JAML: variants seen among roughly 807,000 people sequenced by gnomAD.
The protein encoded by JAML is junction adhesion molecule like.
JAML carries 25 observed loss-of-function variants against 39.3 expected under a neutral mutation model. The observed-to-expected ratio is 0.64, with a 90% CI of 0.46 to 0.89. The LOEUF (loss-of-function observed/expected upper bound fraction) is 0.89, where lower values mean the gene tolerates loss of function less well. JAML is among the 40% of genes least tolerant of loss of function. The pLI, the probability that JAML is intolerant of heterozygous loss-of-function variation, is 0.00. For missense variants in JAML, 440 were observed against 486.9 expected, an observed-to-expected ratio of 0.90 and a Z score of 0.91; for synonymous variants, 162 against 179.2, an observed-to-expected ratio of 0.90 and a Z score of 0.77.
chr11:118,219,213 C>T (rs991549812), intron 1 of JAML, among the ~76,000 whole-genome samples: 7 of 152,064 alleles, frequency 4.6e-5, no homozygotes, highest in African/African-American at 1.7e-4. Flanking sequence ...AAATCAAACC[C>T]ACAATGAGTT....
At position 118,197,893 on chromosome 11, in the gene JAML, G is replaced by A. The variant is rs528136850; in HGVS notation, c.1005+105C>T. On this transcript the variant is annotated intron_variant, in intron 8 of 9. Coordinates refer to ENST00000356289, the MANE Select transcript of JAML (RefSeq NM_001098526.2). ...GAGTCCCTGCTCTGTGCCAAGCACT[G>A]GCCTGCAAGCTGCGACATACAATGG... 3 of 1,037,372 alleles carry A rather than the reference G, an allele frequency of 2.9e-6. No homozygotes were observed. In the East Asian group the frequency reaches 7.2e-5, roughly 25 times the overall value. The allele number at this position is 1,037,372 out of a possible 1,614,324, so 64.3% of individuals were successfully genotyped here.
At position 118,213,505 on chromosome 11, in the gene JAML, T is replaced by G. The variant is rs139626764; in HGVS notation, c.44-944A>C. On this transcript the variant is annotated intron_variant, in intron 2 of 9. Transcript: ENST00000356289. ...CTCTAAACCCTTCAGAGGGAATTAT[T>G]TTGAAAGAAATCAAAATTAGCTCCA... 9.8e-4 allele frequency: 233 copies of G among 237,562 alleles called. 1 individual carries two copies. Among genetic ancestry groups the G allele is most frequent in the African/African-American group, 4.1e-3 (176 of 42,994 alleles). 14.7% of individuals were successfully genotyped at this position (237,562 alleles called of 1,614,324 possible).
intron 1 of JAML, among the ~76,000 whole-genome samples, chr11:118,216,368 CAA>C (rs35141287): frequency 0.015 from 1,766 of 115,932 alleles, 12 homozygotes; most frequent in South Asian, 0.025. Context: ...GACTCTGTCT[CAA>C]AAAAAAAAAA....
Position 118,203,528 on chromosome 11 carries a change from C to T in JAML, c.672G>A (p.Val224=), listed in dbSNP as rs1039939551. The T allele has an allele frequency of 6.2e-7, 1 of 1,614,188 alleles. No individual in the cohort carries two copies. Among genetic ancestry groups the T allele is most frequent in the Non-Finnish European group, 8.5e-7 (1 of 1,180,024 alleles). ...RNDGSIMLQG[V]RESDGGNYTC... is the part of the protein sequence containing the mutation. ...TGTAGTTTCCTCCATCTGACTCCCTCACTCCTTGAAGCATGATGGAACCGT... is the reference window on the plus strand; with the variant it reads ...TGTAGTTTCCTCCATCTGACTCCCTTACTCCTTGAAGCATGATGGAACCGT... The change falls in exon 6 of 10, where the codon GTG becomes GTA. Residue 224 remains valine (V), a synonymous_variant. Transcript: ENST00000356289.
chr11:118,198,726 T>C (rs982359930), intron 7 of JAML, among the ~76,000 whole-genome samples: 2 of 152,092 alleles, frequency 1.3e-5, no homozygotes, highest in African/African-American at 2.4e-5. Context: ...AACCATATGT[T>C]TTGGTCTCAG....
chr11:118,220,095 C>T (rs1415126968), intron 1 of JAML, among the ~76,000 whole-genome samples: 1 of 152,210 alleles, frequency 6.6e-6, no homozygotes, highest in Admixed American at 6.5e-5. Context: ...AATTGGCACA[C>T]ATGGTTTGGG....
chr11:118,206,700 G>A lies in JAML; in HGVS notation c.425-709C>T, dbSNP rs193141395. Among the ~76,000 whole-genome samples, 162 of 152,002 alleles carry A rather than the reference G, an allele frequency of 1.1e-3. 1 individual carries two copies. Among genetic ancestry groups the A allele is most frequent in the African/African-American group, 3.8e-3 (157 of 41,490 alleles). On this transcript the variant is annotated intron_variant, in intron 4 of 9. Coordinates refer to ENST00000356289, the MANE Select transcript of JAML (RefSeq NM_001098526.2). ...TGCTCTCTCCTGCCCCCACCCTCCCGACTTCCCCTGCTTCTGGCTTTCCAC... is the reference window on the plus strand; with the variant it reads ...TGCTCTCTCCTGCCCCCACCCTCCCAACTTCCCCTGCTTCTGGCTTTCCAC...
At chr11:118,204,124 C>G (rs1178047282) in intron 5 of JAML, 1 of 182,280 alleles carries the variant, frequency 5.5e-6, no homozygotes, top group Non-Finnish European at 1.2e-5. Context: ...CTGGAGTCAT[C>G]CTTAATTTCT....
intron 4 of JAML, among the ~76,000 whole-genome samples, chr11:118,207,333 T>G (rs1948938632): frequency 6.6e-6 from 1 of 152,182 alleles, no homozygotes; most frequent in Admixed American, 6.5e-5. Context: ...ATGACTACTC[T>G]CCCATTTTAC....
At chr11:118,214,746 A>T in intron 2 of JAML, 78 bp downstream of exon 2, 1 of 1,439,068 alleles carries the variant, frequency 6.9e-7, no homozygotes, top group Non-Finnish European at 9.7e-7. Context: ...AATCGAAAAT[A>T]TGTAAAATTG....
chr11:118,213,031 T>A, intron 2 of JAML: 1 of 1,608,026 alleles, frequency 6.2e-7, no homozygotes, highest in Non-Finnish European at 8.5e-7. Flanking sequence ...TACAAAAGCA[T>A]TTGCTGGCTG....
rs750797498 is a variant in JAML, at chr11:118,200,609, A to G, written c.776T>C (p.Leu259Pro). 6.2e-6 allele frequency: 10 copies of G among 1,614,170 alleles called. No individual in the cohort carries two copies. The Admixed American group carries it at 1.5e-4, about 24-fold the overall frequency. Residue 259 changes from leucine (L) to proline (P), a missense_variant, in exon 7 of 10, where the codon CTG (leucine) becomes CCG (proline). Transcript: ENST00000356289. ...AGGCCTCAGGGCTGCCGGGGTCACC[A>G]GTGCTTGGGAAAGTAGAAAAGCAAG... ...LHVSPEEPRT[L>P]VTPAALRPLV...
At chr11:118,196,269 AG>A (rs1454699870) in intron 9 of JAML, among the ~76,000 whole-genome samples, 1 of 151,628 alleles carries the variant, frequency 6.6e-6, no homozygotes, top group African/African-American at 2.4e-5. Context: ...CTGGGATTAT[AG>A]GCACGCATCT....
chr11:118,202,566 T>C (rs1203556906), intron 6 of JAML: 1 of 199,764 alleles, frequency 5.0e-6, no homozygotes, highest in Non-Finnish European at 1.1e-5. Flanking sequence ...GACATAGATA[T>C]GTTTGTGGGT....
chr11:118,215,813 C>A (rs1021517333), intron 1 of JAML, among the ~76,000 whole-genome samples: 1 of 152,134 alleles, frequency 6.6e-6, no homozygotes, highest in Non-Finnish European at 1.5e-5. Flanking sequence ...AAAGGATTCA[C>A]TGTTCTACCA....
chr11:118,208,605 T>C (rs1948973118), intron 4 of JAML, among the ~76,000 whole-genome samples: 1 of 152,236 alleles, frequency 6.6e-6, no homozygotes, highest in Admixed American at 6.5e-5. Flanking sequence ...CTAAGCTAGC[T>C]GCAGGCGGGA....
chr11:118,196,639 C>T (rs554024721), intron 9 of JAML, 96 bp downstream of exon 9: 1 of 985,552 alleles, frequency 1.0e-6, no homozygotes, highest in Non-Finnish European at 1.6e-6. Flanking sequence ...AAATCACCGC[C>T]CTCAGCAGCC....
chr11:118,209,246 C>T (rs758424776), intron 4 of JAML: 8 of 192,962 alleles, frequency 4.1e-5, no homozygotes, highest in Non-Finnish European at 8.5e-5. Context: ...GCCACCACAG[C>T]TTATACTCTC....
At chr11:118,207,261 C>T (rs1948937358) in intron 4 of JAML, among the ~76,000 whole-genome samples, 1 of 152,202 alleles carries the variant, frequency 6.6e-6, no homozygotes, top group Non-Finnish European at 1.5e-5. Context: ...CAATGCACCA[C>T]CATGTGCTAG....
Sources: gnomAD v4.1 joint callset for allele counts (sites outside exome capture counted in the v4.1 genomes callset) on GRCh38, gnomAD v4.1.1 for gene constraint, MANE v1.5 for transcripts, NCBI Gene and HGNC (gene_info 2026-07-23, HGNC 2026-07-21) for gene names.